Variants in AGMO observed in about 807,000 individuals in gnomAD.
The protein encoded by AGMO is alkylglycerol monooxygenase, also known as glyceryl-ether monooxygenase.
In AGMO, 75 loss-of-function variants were observed where a neutral mutation model predicts 60.2. The ratio of observed to expected loss-of-function variants is 1.25; its 90% CI spans 1.03 to 1.51. The LOEUF (loss-of-function observed/expected upper bound fraction) is 1.51. AGMO is among the 40% of genes most tolerant of loss of function. The probability of loss-of-function intolerance (pLI) is 0.00; values close to 1 mark genes in which losing one functional copy is unlikely to be tolerated. For synonymous variants in AGMO, 261 were observed against 177.1 expected (o/e 1.47, Z -3.76); for missense variants, 763 against 525.5 (o/e 1.45, Z -4.42).
chr7:15,308,982 T>C (rs1563079488), intron 12 of AGMO, among the ~76,000 whole-genome samples: 1 of 152,190 alleles, frequency 6.6e-6, no homozygotes, highest in East Asian at 1.9e-4. Context: ...AAACGCTTAC[T>C]ATTTGTTAAT....
intron 12 of AGMO, among the ~76,000 whole-genome samples, chr7:15,215,892 A>G (rs1781722427): frequency 2.0e-5 from 3 of 152,106 alleles, no homozygotes; most frequent in Admixed American, 2.0e-4. Context: ...GCGAATGTAT[A>G]ATTGAGCACT....
intron 12 of AGMO, among the ~76,000 whole-genome samples, chr7:15,232,479 G>A (rs1256715647): frequency 1.3e-5 from 2 of 152,000 alleles, no homozygotes; most frequent in Admixed American, 6.6e-5. Context: ...GAATACATGC[G>A]GCATAAAAAT....
the AGMO span, among the ~76,000 whole-genome samples, chr7:15,144,229 G>A: frequency 1.3e-5 from 2 of 151,946 alleles, no homozygotes; most frequent in African/African-American, 2.4e-5. Flanking sequence ...TTAGGCAGAT[G>A]AGTATGCCTA....
chr7:15,267,444 G>A lies in AGMO; in HGVS notation c.1264-66085C>T, dbSNP rs757414917. ...AATCTTTAAAGGCAAAAATGCATCA[G>A]AATGATTACATTGACATGCACCAAA... On this transcript the variant is annotated intron_variant, in intron 12 of 12. Transcript: ENST00000342526. 3.3e-5 allele frequency among the ~76,000 whole-genome samples: 5 copies of A among 152,076 alleles called. No homozygotes were observed. The South Asian group carries it at 1.0e-3, about 32-fold the overall frequency.
At chr7:15,424,467 T>G (rs1282866913) in intron 4 of AGMO, among the ~76,000 whole-genome samples, 1 of 152,196 alleles carries the variant, frequency 6.6e-6, no homozygotes, top group Non-Finnish European at 1.5e-5. Flanking sequence ...CTCTTGTTTA[T>G]CCTTCATTAG....
chr7:15,396,548 A>C (rs575566262), intron 5 of AGMO: 1 of 152,242 alleles, frequency 6.6e-6, no homozygotes, highest in Non-Finnish European at 1.5e-5. Flanking sequence ...CAAAGCTACC[A>C]CAACGAGGAA....
At chr7:15,194,071 T>A in the AGMO span, among the ~76,000 whole-genome samples, 36 of 152,196 alleles carry the variant, frequency 2.4e-4, no homozygotes, top group African/African-American at 8.4e-4. Flanking sequence ...ACTACACTTA[T>A]CCACCAAAAT....
At chr7:15,224,951 TG>T (rs1386353010) in intron 12 of AGMO, among the ~76,000 whole-genome samples, 2 of 152,016 alleles carry the variant, frequency 1.3e-5, no homozygotes, top group African/African-American at 4.8e-5. Flanking sequence ...ATTTTGATTG[TG>T]GAAATTTCGG....
intron 3 of AGMO, among the ~76,000 whole-genome samples, chr7:15,466,485 G>T (rs73290427): frequency 0.19 from 29,553 of 152,076 alleles, 3,185 homozygotes; most frequent in African/African-American, 0.28. Flanking sequence ...GAAGTAGGTA[G>T]CATTAATGGC....
chr7:15,166,876 G>A, the AGMO span, among the ~76,000 whole-genome samples: 286 of 152,272 alleles, frequency 1.9e-3, no homozygotes, highest in African/African-American at 6.6e-3. Flanking sequence ...GTCTTTGGAT[G>A]GAGCAAGATT....
At chr7:15,388,942 G>C (rs1308433860) in intron 8 of AGMO, among the ~76,000 whole-genome samples, 1 of 152,160 alleles carries the variant, frequency 6.6e-6, no homozygotes, top group African/African-American at 2.4e-5. Flanking sequence ...CTAGAGAATT[G>C]AACCTAACAG....
intron 3 of AGMO, among the ~76,000 whole-genome samples, chr7:15,538,261 C>T (rs1366671189): frequency 6.6e-6 from 1 of 152,112 alleles, no homozygotes; most frequent in East Asian, 1.9e-4. Flanking sequence ...CAGACAAGGT[C>T]TCACTCTGAC....
intron 12 of AGMO, among the ~76,000 whole-genome samples, chr7:15,270,372 T>C (rs555065776): frequency 2.6e-5 from 4 of 152,170 alleles, no homozygotes; most frequent in Admixed American, 2.6e-4. Context: ...TCTCTGATGA[T>C]CTATGATGTT....
At chr7:15,294,641 G>A (rs1784363558) in intron 12 of AGMO, among the ~76,000 whole-genome samples, 1 of 151,904 alleles carries the variant, frequency 6.6e-6, no homozygotes, top group Non-Finnish European at 1.5e-5. Context: ...GAGGCGATGG[G>A]AAGGCTGATT....
At chr7:15,542,289 T>C (rs919501650) in intron 3 of AGMO, among the ~76,000 whole-genome samples, 15 of 152,310 alleles carry the variant, frequency 9.8e-5, no homozygotes, top group African/African-American at 3.6e-4. Context: ...TGTGAATGTT[T>C]TTCCAGAAGG....
At chr7:15,299,218 T>C (rs567761275) in intron 12 of AGMO, among the ~76,000 whole-genome samples, 1 of 152,024 alleles carries the variant, frequency 6.6e-6, no homozygotes, top group South Asian at 2.1e-4. Context: ...ATCTCATCTG[T>C]ATAATAAATA....
intron 12 of AGMO, among the ~76,000 whole-genome samples, chr7:15,282,959 G>C (rs1366597422): frequency 6.6e-6 from 1 of 152,066 alleles, no homozygotes; most frequent in Non-Finnish European, 1.5e-5. Flanking sequence ...TAGAATAACT[G>C]TCAGTTAAGA....
At chr7:15,398,230 T>C (rs533730846) in intron 5 of AGMO, among the ~76,000 whole-genome samples, 1 of 152,232 alleles carries the variant, frequency 6.6e-6, no homozygotes, top group African/African-American at 2.4e-5. Context: ...GCCACACAAA[T>C]GGTGAGTGCA....
intron 12 of AGMO, among the ~76,000 whole-genome samples, chr7:15,317,927 G>GTATATATATATATATACACACGTA (rs150303018): frequency 1.6e-5 from 2 of 126,772 alleles, no homozygotes; most frequent in East Asian, 4.3e-4. Flanking sequence ...ATACACACAC[G>GTATATATATATATATACACACGTA]TATATATATA....
Sources: allele counts gnomAD v4.1 joint callset (sites outside exome capture counted in the v4.1 genomes callset), GRCh38; gene constraint gnomAD v4.1.1; transcripts MANE v1.5; gene names NCBI Gene and HGNC (gene_info 2026-07-23, HGNC 2026-07-21).